RYR2: variants seen among roughly 807,000 people sequenced by gnomAD.
RYR2 encodes the protein cardiac muscle ryanodine receptor-calcium release channel.
Under a neutral mutation model 601.1 loss-of-function variants are expected in RYR2, and 227 were observed. That is an observed-to-expected ratio of 0.38 (90% CI 0.34 to 0.42). The LOEUF is 0.42. Among genes scored for constraint, RYR2 ranks in the 10% least tolerant of loss-of-function variants. The pLI, the probability that RYR2 is intolerant of heterozygous loss-of-function variation, is 1.00. For missense variants in RYR2, 4,646 were observed against 6,156.5 expected (o/e 0.75, Z 8.21); for synonymous variants, 2,223 against 2,175.1 (o/e 1.02, Z -0.61).
intron 1 of RYR2, among the ~76,000 whole-genome samples, chr1:237,128,684 A>G (rs1436419303): frequency 6.6e-6 from 1 of 152,164 alleles, no homozygotes; most frequent in East Asian, 1.9e-4. Context: ...GGCTGCCAGA[A>G]TAGACTGAAT....
At chr1:237,476,335 C>T (rs1322661814) in intron 17 of RYR2, among the ~76,000 whole-genome samples, 2 of 151,812 alleles carry the variant, frequency 1.3e-5, no homozygotes, top group African/African-American at 4.8e-5. Context: ...CATAGTGAAA[C>T]CCCGACTCTA....
chr1:237,814,965 C>CTTTTTTTTTTTTTTT (rs11314213), intron 100 of RYR2, among the ~76,000 whole-genome samples: 12 of 93,932 alleles, frequency 1.3e-4, no homozygotes, highest in African/African-American at 2.0e-4. Flanking sequence ...TTTCTTTTTT[C>CTTTTTTTTTTTTTTT]TTTTTTTTTT....
intron 1 of RYR2, among the ~76,000 whole-genome samples, chr1:237,186,006 C>T (rs1039077424): frequency 2.6e-5 from 4 of 152,138 alleles, no homozygotes; most frequent in Non-Finnish European, 5.9e-5. Flanking sequence ...AGGTCTTAGG[C>T]CCCTGCTTTC....
chr1:237,209,030 A>C (rs61367554), intron 1 of RYR2, among the ~76,000 whole-genome samples: 90 of 133,998 alleles, frequency 6.7e-4, no homozygotes, highest in African/African-American at 2.4e-3. Context: ...AAAATTTTTT[A>C]AAAAGTTTAA....
intron 55 of RYR2, among the ~76,000 whole-genome samples, chr1:237,660,420 T>C (rs1341514006): frequency 2.0e-5 from 3 of 152,176 alleles, no homozygotes; most frequent in Non-Finnish European, 4.4e-5. Flanking sequence ...TTATTATGTA[T>C]AGATTTTCAT....
At chr1:237,454,645 T>G in intron 15 of RYR2, 71 bp downstream of exon 15, 1 of 1,493,024 alleles carries the variant, frequency 6.7e-7, no homozygotes, top group Admixed American at 1.9e-5. Context: ...TTGGGAAAAT[T>G]TTCCATCTAT....
At chr1:237,675,369 C>A (rs747699169) in intron 60 of RYR2, among the ~76,000 whole-genome samples, 2 of 152,112 alleles carry the variant, frequency 1.3e-5, no homozygotes, top group Non-Finnish European at 2.9e-5. Flanking sequence ...ATTTTTAAAA[C>A]CTCATTCTTT....
rs397516496 is a variant in RYR2, at chr1:237,709,102, T to C, written c.10142+4T>C. ...TTAGATTTGTGGACTATAACAGGTA[T>C]GATCAAAAGTAATTTAGTAATTTCT... On this transcript the variant is annotated splice_donor_region_variant and intron_variant, in intron 69 of 104. Coordinates refer to ENST00000366574, the MANE Select transcript of RYR2 (RefSeq NM_001035.3). 11 of 1,553,126 alleles carry C rather than the reference T, an allele frequency of 7.1e-6. No homozygotes were observed. The highest frequency in any genetic ancestry group is 8.7e-6 in the Non-Finnish European group (10 of 1,152,088).
chr1:237,789,345 T>C (rs2149371594), intron 92 of RYR2, among the ~76,000 whole-genome samples: 1 of 152,330 alleles, frequency 6.6e-6, no homozygotes, highest in East Asian at 1.9e-4. Flanking sequence ...TGGTTATGTA[T>C]TATATATTTT....
At chr1:237,676,053 A>C (rs2148917313) in intron 60 of RYR2, among the ~76,000 whole-genome samples, 1 of 152,280 alleles carries the variant, frequency 6.6e-6, no homozygotes, top group East Asian at 1.9e-4. Context: ...TAACCGAAGA[A>C]CAAAAATGAG....
At chr1:237,503,553 G>A (rs1425650007) in intron 22 of RYR2, 48 bp downstream of exon 22, 1 of 1,574,278 alleles carries the variant, frequency 6.4e-7, no homozygotes, top group African/African-American at 1.4e-5. Context: ...CAGTCATGCT[G>A]ATACACAGTG....
chr1:237,510,857 A>C (rs1412275519), intron 23 of RYR2, among the ~76,000 whole-genome samples: 1 of 152,250 alleles, frequency 6.6e-6, no homozygotes, highest in Non-Finnish European at 1.5e-5. Flanking sequence ...ATTTAGTTTA[A>C]TGTGATTGCT....
intron 12 of RYR2, among the ~76,000 whole-genome samples, chr1:237,437,534 G>A (rs1189188772): frequency 6.6e-6 from 1 of 152,146 alleles, no homozygotes; most frequent in African/African-American, 2.4e-5. Context: ...CTGAGGTTAT[G>A]TGGGGTCAGG....
At chr1:237,421,877 A>G (rs528964533) in intron 11 of RYR2, among the ~76,000 whole-genome samples, 1 of 152,236 alleles carries the variant, frequency 6.6e-6, no homozygotes, top group East Asian at 1.9e-4. Flanking sequence ...TCTTCATAAC[A>G]TATCTGGCTG....
chr1:237,196,814 G>A (rs536926213), intron 1 of RYR2, among the ~76,000 whole-genome samples: 87 of 152,260 alleles, frequency 5.7e-4, no homozygotes, highest in Admixed American at 5.7e-3. Context: ...TACACAGTCA[G>A]TATTTTAATT....
chr1:237,431,545 A>G (rs1706806806), intron 12 of RYR2, among the ~76,000 whole-genome samples: 1 of 152,204 alleles, frequency 6.6e-6, no homozygotes, highest in African/African-American at 2.4e-5. Context: ...ATCTTATTAC[A>G]TAGATTTATC....
In RYR2 at chr1:237,806,786, C is replaced by T. The variant is rs189916000; in HGVS notation, c.14298+503C>T. Among the ~76,000 whole-genome samples, 15 of 152,274 alleles carry T rather than the reference C, an allele frequency of 9.9e-5. No individual in the cohort carries two copies. The East Asian group carries it at 1.5e-3, about 16-fold the overall frequency. On this transcript the variant is annotated intron_variant, in intron 99 of 104. Transcript: ENST00000366574. Reference sequence around the variant, plus strand: ...CTTTTAAATTGAGCAAAAAGGATAACGTTTCATATTTGACAAGGTCATGCT... The same window carrying T: ...CTTTTAAATTGAGCAAAAAGGATAATGTTTCATATTTGACAAGGTCATGCT...
chr1:237,627,331 A>G (rs1030923607), intron 40 of RYR2, among the ~76,000 whole-genome samples: 5 of 152,252 alleles, frequency 3.3e-5, no homozygotes, highest in African/African-American at 4.8e-5. Context: ...AAACATAATT[A>G]TACGTAGTCA....
intron 21 of RYR2, 91 bp from the exon 22 acceptor site, chr1:237,503,198 T>C: frequency 2.6e-6 from 3 of 1,157,556 alleles, no homozygotes; most frequent in Non-Finnish European, 2.5e-6. Context: ...AAAATACTTT[T>C]GTACTAACAA....
Sources: allele counts gnomAD v4.1 joint callset (sites outside exome capture counted in the v4.1 genomes callset), GRCh38; gene constraint gnomAD v4.1.1; transcripts MANE v1.5; gene names NCBI Gene and HGNC (gene_info 2026-07-23, HGNC 2026-07-21).